The following SDC3 variants were observed in gnomAD, a reference collection of about 807,000 sequenced individuals.
SDC3 encodes the protein syndecan 3.
In SDC3, 13 loss-of-function variants were observed where a neutral mutation model predicts 24.4. The observed-to-expected ratio is 0.53, with a 90% CI of 0.35 to 0.85. The LOEUF is 0.85. Among genes scored for constraint, SDC3 ranks in the 40% least tolerant of loss-of-function variants. SDC3 has a pLI of 0.01. For missense variants in SDC3, 571 were observed against 584.5 expected, an observed-to-expected ratio of 0.98 and a Z score of 0.24; for synonymous variants, 295 against 260.9, an observed-to-expected ratio of 1.13 and a Z score of -1.26.
Position 30,869,524 on chromosome 1 carries a change from A to AAACAAAC in SDC3, c.*3686_*3687insGTTTGTT, listed in dbSNP as rs139393886. 5 of 367,084 alleles carry AAACAAAC rather than the reference A, an allele frequency of 1.4e-5. No individual in the cohort carries two copies. The highest frequency in any genetic ancestry group is 1.0e-4 in the Admixed American group (2 of 19,928). The allele number at this position is 367,084 out of a possible 1,614,324, so 22.7% of individuals were successfully genotyped here. On this transcript the variant is annotated 3_prime_UTR_variant, in exon 5 of 5. Coordinates refer to ENST00000339394, the MANE Select transcript of SDC3 (RefSeq NM_014654.4). ...TGGGCACAGCACAGGAAGTGTTAAA[A>AAACAAAC]AAACAAACAAACAAAAAAAAAAAAA...
chr1:30,886,375 G>T (rs896792643), intron 1 of SDC3, among the ~76,000 whole-genome samples: 1 of 151,842 alleles, frequency 6.6e-6, no homozygotes, highest in Non-Finnish European at 1.5e-5. Context: ...TGTCACATAC[G>T]CACGCCAACC....
At chr1:30,888,613 A>ATG (rs200642777) in intron 1 of SDC3, among the ~76,000 whole-genome samples, 1 of 152,096 alleles carries the variant, frequency 6.6e-6, no homozygotes, top group African/African-American at 2.4e-5. Flanking sequence ...GTCTGTAAGA[A>ATG]TGTGTGTGTG....
Position 30,901,314 on chromosome 1 carries a change from G to T in SDC3, c.138+7135C>A, listed in dbSNP as rs577184417. 3.5e-4 allele frequency among the ~76,000 whole-genome samples: 54 copies of T among 152,294 alleles called. No homozygotes were observed. The East Asian group carries it at 9.3e-3, about 26-fold the overall frequency. The stretch of plus-strand genomic sequence containing the variant: ...CATCTCTCTAGGACTCTCCACCCCT[G>T]AGATCCTGCGTAAACATCAATAGTC... On this transcript the variant is annotated intron_variant, in intron 1 of 4. Transcript: ENST00000339394.
intron 1 of SDC3, among the ~76,000 whole-genome samples, chr1:30,894,178 T>TG (rs924065055): frequency 2.0e-5 from 3 of 149,760 alleles, no homozygotes; most frequent in Non-Finnish European, 3.0e-5. Context: ...TGAGTGGGTG[T>TG]GGGGGTAAGA....
At chr1:30,892,754 AACAC>A (rs1179042504) in intron 1 of SDC3, among the ~76,000 whole-genome samples, 1 of 152,186 alleles carries the variant, frequency 6.6e-6, no homozygotes, top group Admixed American at 6.5e-5. Flanking sequence ...TAGCTCTTGC[AACAC>A]CCTGTAGCAC....
At chr1:30,896,243 A>G (rs1639996836) in intron 1 of SDC3, among the ~76,000 whole-genome samples, 1 of 152,206 alleles carries the variant, frequency 6.6e-6, no homozygotes. Context: ...GAAATGTAAC[A>G]AAGTACCATG....
chr1:30,889,584 T>A (rs953343057), intron 1 of SDC3, among the ~76,000 whole-genome samples: 1 of 152,232 alleles, frequency 6.6e-6, no homozygotes, highest in Non-Finnish European at 1.5e-5. Context: ...CTTCAAGGGA[T>A]AAATTCCCTT....
intron 4 of SDC3, among the ~76,000 whole-genome samples, chr1:30,873,578 C>A (rs1277091749): frequency 1.3e-5 from 2 of 152,072 alleles, no homozygotes; most frequent in African/African-American, 4.8e-5. Context: ...GCCCAACACA[C>A]TAACTCACTG....
chr1:30,881,512 A>G (rs1212906277), intron 1 of SDC3: 2 of 152,248 alleles, frequency 1.3e-5, no homozygotes, highest in African/African-American at 2.4e-5. Context: ...TGCACCCCCC[A>G]CACACAGCGA....
chr1:30,894,962 CTCTACACG>C (rs1336169268), intron 1 of SDC3, among the ~76,000 whole-genome samples: 2 of 151,894 alleles, frequency 1.3e-5, no homozygotes, highest in Non-Finnish European at 2.9e-5. Context: ...CTGTCTCTGT[CTCTACACG>C]TGTGCACAGG....
chr1:30,880,995 C>T (rs568115701), intron 1 of SDC3, among the ~76,000 whole-genome samples: 29 of 147,336 alleles, frequency 2.0e-4, no homozygotes, highest in East Asian at 8.5e-4. Flanking sequence ...TGATAGGAGG[C>T]TTCCATACCC....
intron 1 of SDC3, among the ~76,000 whole-genome samples, chr1:30,887,146 C>T (rs1639840630): frequency 6.6e-6 from 1 of 152,132 alleles, no homozygotes; most frequent in African/African-American, 2.4e-5. Flanking sequence ...ACAAGGCGCA[C>T]TCACACGACA....
Position 30,908,516 on chromosome 1 carries a change from C to A in SDC3, c.71G>T (p.Gly24Val). Residue 24 changes from glycine to valine, a missense_variant, in exon 1 of 5, where the codon GGG becomes GTG. Around this residue, in one of 2 missense-constraint regions of SDC3, gnomAD observed 497 missense variants for 471.6 expected, o/e 1.05. Coordinates refer to ENST00000339394, the MANE Select transcript of SDC3 (RefSeq NM_014654.4). ...GAGAGAGAAA[G>V]PGARGLLLPP... Reference sequence around the variant, plus strand: ...CAGGAGCAGCCCGCGGGCCCCGGGCCCGGCCGCGGCCCCGGCCCCGGCGCC... The same window carrying A: ...CAGGAGCAGCCCGCGGGCCCCGGGCACGGCCGCGGCCCCGGCCCCGGCGCC... 1 of 975,014 alleles carries A rather than the reference C, an allele frequency of 1.0e-6. No homozygotes were observed. The highest frequency in any genetic ancestry group is 1.2e-6 in the Non-Finnish European group (1 of 824,786). The allele number at this position is 975,014 out of a possible 1,614,324, so 60.4% of individuals were successfully genotyped here.
At chr1:30,873,498 A>G (rs1639578007) in intron 4 of SDC3, 121 bp from the exon 5 acceptor site, 1 of 663,942 alleles carries the variant, frequency 1.5e-6, no homozygotes, top group Admixed American at 2.6e-5. Context: ...AGTTGGAGTG[A>G]TGATGGAGTC....
chr1:30,898,485 C>A (rs964248005), intron 1 of SDC3, among the ~76,000 whole-genome samples: 1 of 152,172 alleles, frequency 6.6e-6, no homozygotes, highest in Non-Finnish European at 1.5e-5. Context: ...TAAACAGTAG[C>A]ACAGTGGGGA....
At chr1:30,879,686 T>G (rs1020844710) in intron 1 of SDC3, among the ~76,000 whole-genome samples, 1 of 152,198 alleles carries the variant, frequency 6.6e-6, no homozygotes, top group Non-Finnish European at 1.5e-5. Context: ...CTGTCTTCAC[T>G]GTCTTTCTAT....
chr1:30,889,094 T>C (rs1005128104), intron 1 of SDC3, among the ~76,000 whole-genome samples: 1 of 152,346 alleles, frequency 6.6e-6, no homozygotes, highest in South Asian at 2.1e-4. Flanking sequence ...CTCGACTATG[T>C]GGCTCCAAAT....
At chr1:30,881,638 G>A (rs1351925381) in intron 1 of SDC3, among the ~76,000 whole-genome samples, 1 of 152,216 alleles carries the variant, frequency 6.6e-6, no homozygotes, top group Non-Finnish European at 1.5e-5. Flanking sequence ...AGGTCCCAGG[G>A]GAGCCGCTGA....
At chr1:30,887,805 C>A (rs1639852134) in intron 1 of SDC3, among the ~76,000 whole-genome samples, 1 of 152,196 alleles carries the variant, frequency 6.6e-6, no homozygotes, top group African/African-American at 2.4e-5. Context: ...CCCCAGAGAT[C>A]TGCATCACCT....
Sources: allele counts gnomAD v4.1 joint callset (sites outside exome capture counted in the v4.1 genomes callset), GRCh38; gene constraint gnomAD v4.1.1; regional missense constraint gnomAD v4.1.1; transcripts MANE v1.5; gene names NCBI Gene and HGNC (gene_info 2026-07-23, HGNC 2026-07-21).